The following PPM1L variants were observed in gnomAD, a reference collection of about 807,000 sequenced individuals.
PPM1L encodes protein phosphatase, Mg2+/Mn2+ dependent 1L, also known as protein phosphatase 1L.
PPM1L carries 13 observed loss-of-function variants against 31.4 expected under a neutral mutation model. The ratio of observed to expected loss-of-function variants is 0.41; its 90% confidence interval spans 0.27 to 0.66. The LOEUF is 0.66. PPM1L is among the 30% of genes least tolerant of loss of function. PPM1L has a pLI of 0.29. For missense variants in PPM1L, 326 were observed against 453.7 expected (o/e 0.72, Z 2.56); for synonymous variants, 184 against 175.4 (o/e 1.05, Z -0.39).
intron 1 of PPM1L, among the ~76,000 whole-genome samples, chr3:160,910,610 C>G (rs190188801): frequency 6.6e-6 from 1 of 152,246 alleles, no homozygotes; most frequent in South Asian, 2.1e-4. Context: ...CGCGCCTGGC[C>G]GGAGCCTGAA....
intron 1 of PPM1L, among the ~76,000 whole-genome samples, chr3:160,944,928 T>C (rs1715326203): frequency 9.5e-5 from 6 of 63,470 alleles, no homozygotes; most frequent in African/African-American, 3.5e-4. Context: ...ATAGTGGAGA[T>C]ATATATATTA....
intron 1 of PPM1L, among the ~76,000 whole-genome samples, chr3:160,849,419 C>CTTTCTTTCTTTTT (rs1553812477): frequency 6.4e-4 from 92 of 143,430 alleles, no homozygotes; most frequent in African/African-American, 2.2e-3. Context: ...TTCTTTCTTT[C>CTTTCTTTCTTTTT]TTTTTTTTTT....
intron 2 of PPM1L, among the ~76,000 whole-genome samples, chr3:161,057,910 C>T (rs1188535641): frequency 6.6e-6 from 1 of 151,580 alleles, no homozygotes; most frequent in Non-Finnish European, 1.5e-5. Context: ...AATAGCTACT[C>T]CAAGAAGGCC....
chr3:160,798,904 T>C (rs1712342556), intron 1 of PPM1L, among the ~76,000 whole-genome samples: 1 of 152,208 alleles, frequency 6.6e-6, no homozygotes, highest in Non-Finnish European at 1.5e-5. Context: ...TTGTGATTCA[T>C]GGGAGGAGGT....
intron 1 of PPM1L, among the ~76,000 whole-genome samples, chr3:160,759,369 T>C (rs951775780): frequency 2.6e-5 from 4 of 152,230 alleles, no homozygotes; most frequent in African/African-American, 7.2e-5. Flanking sequence ...CATTACCTTG[T>C]ATATCCTTGT....
intron 1 of PPM1L, among the ~76,000 whole-genome samples, chr3:160,812,776 G>A (rs1196626588): frequency 6.6e-6 from 1 of 152,140 alleles, no homozygotes; most frequent in East Asian, 1.9e-4. Context: ...GGGGCAGCTG[G>A]CCAGGATTTC....
chr3:161,015,608 G>T (rs938220195), intron 2 of PPM1L, among the ~76,000 whole-genome samples: 5 of 152,174 alleles, frequency 3.3e-5, no homozygotes, highest in Non-Finnish European at 5.9e-5. Context: ...ATAGGTCTGG[G>T]CCCTTCTGTT....
intron 1 of PPM1L, among the ~76,000 whole-genome samples, chr3:160,838,771 C>T (rs371590440): frequency 2.6e-5 from 4 of 152,016 alleles, no homozygotes; most frequent in East Asian, 3.9e-4. Flanking sequence ...CCAGTGGATA[C>T]TGAGGATTAT....
At chr3:160,890,953 A>G (rs553267060) in intron 1 of PPM1L, among the ~76,000 whole-genome samples, 1 of 152,316 alleles carries the variant, frequency 6.6e-6, no homozygotes, top group East Asian at 1.9e-4. Context: ...CCCCTTCTTT[A>G]CACCTTATAC....
intron 1 of PPM1L, among the ~76,000 whole-genome samples, chr3:160,926,544 C>T (rs77866336): frequency 6.6e-5 from 10 of 152,202 alleles, no homozygotes; most frequent in Non-Finnish European, 8.8e-5. Flanking sequence ...AACCTCCCCC[C>T]CTTAATGCCT....
intron 1 of PPM1L, among the ~76,000 whole-genome samples, chr3:160,775,613 G>T (rs1472447370): frequency 6.6e-6 from 1 of 152,126 alleles, no homozygotes; most frequent in African/African-American, 2.4e-5. Flanking sequence ...TCTGGTGTGA[G>T]GCAAGAAGTT....
Position 161,013,967 on chromosome 3 carries a change from T to C in PPM1L, c.575-51436T>C, listed in dbSNP as rs544926961. ...ATATGGCACACTGATGGATCTTGAC[T>C]CTTTATCCAATTTGCCAGTCTGTGT... On this transcript the variant is annotated intron_variant, in intron 2 of 3. Transcript: ENST00000498165. Among the ~76,000 whole-genome samples the C allele has an allele frequency of 1.0e-3, 157 of 152,348 alleles. 1 individual carries two copies. Among genetic ancestry groups the C allele is most frequent in the African/African-American group, 3.5e-3 (146 of 41,578 alleles).
Position 160,789,620 on chromosome 3 carries a change from T to C in PPM1L, c.399+32913T>C, listed in dbSNP as rs1353435851. Among the ~76,000 whole-genome samples, 6 of 152,186 alleles carry C rather than the reference T, an allele frequency of 3.9e-5. No homozygotes were observed. The East Asian group carries it at 1.2e-3, about 29-fold the overall frequency. On this transcript the variant is annotated intron_variant, in intron 1 of 3. Transcript: ENST00000498165. ...ATATGTTAATTATGTTAAGGAACTA[T>C]ATGTACTTTTTTGTTTTATTAAGAA...
chr3:160,761,432 G>C (rs1019239719), intron 1 of PPM1L, among the ~76,000 whole-genome samples: 6 of 152,094 alleles, frequency 3.9e-5, no homozygotes, highest in African/African-American at 1.4e-4. Context: ...ATTATATAGT[G>C]TCATTTTAAT....
chr3:160,890,450 A>G (rs142570543), intron 1 of PPM1L, among the ~76,000 whole-genome samples: 139 of 152,306 alleles, frequency 9.1e-4, no homozygotes, highest in African/African-American at 3.2e-3. Flanking sequence ...GACCTCTTCA[A>G]AATACACCAC....
In PPM1L at chr3:160,756,887, A is replaced by G. The variant is rs1714824258; in HGVS notation, c.399+180A>G. 6.6e-6 allele frequency among the ~76,000 whole-genome samples: 1 copy of G among 151,886 alleles called. No individual in the cohort carries two copies. Among genetic ancestry groups the G allele is most frequent in the African/African-American group, 2.4e-5 (1 of 41,364 alleles). On this transcript the variant is annotated intron_variant, in intron 1 of 3. Coordinates refer to ENST00000498165, the MANE Select transcript of PPM1L (RefSeq NM_139245.4). This position sits in a 1 kb window ranked among gnomAD's most constrained non-coding sequence, Gnocchi z 6.2. ...TGCCTGGCTGGACAAATGCGGCTCAAGTTGCCAAAAGCACTGCTGGATCCA... is the reference window on the plus strand; with the variant it reads ...TGCCTGGCTGGACAAATGCGGCTCAGGTTGCCAAAAGCACTGCTGGATCCA...
At chr3:160,858,520 T>C (rs144496565) in intron 1 of PPM1L, among the ~76,000 whole-genome samples, 290 of 152,362 alleles carry the variant, frequency 1.9e-3, no homozygotes, top group African/African-American at 6.7e-3. Context: ...GCAAAAGTTA[T>C]TCACTTCAAG....
intron 2 of PPM1L, among the ~76,000 whole-genome samples, chr3:160,988,194 T>G (rs1717026992): frequency 6.6e-6 from 1 of 152,182 alleles, no homozygotes. Flanking sequence ...GTAGAAACAC[T>G]TGGACAGGTT....
chr3:160,835,996 G>T (rs1713703082), intron 1 of PPM1L, among the ~76,000 whole-genome samples: 1 of 149,120 alleles, frequency 6.7e-6, no homozygotes, highest in Non-Finnish European at 1.5e-5. Context: ...CTCTGTTCTG[G>T]CCAGAAATCA....
Sources: gnomAD v4.1 joint callset for allele counts (sites outside exome capture counted in the v4.1 genomes callset) on GRCh38, gnomAD v4.1.1 for gene constraint, Gnocchi (gnomAD v3.1) non-coding constraint, MANE v1.5 for transcripts, NCBI Gene and HGNC (gene_info 2026-07-23, HGNC 2026-07-21) for gene names.